Variants in OR51B5 observed in about 807,000 individuals in gnomAD.
The protein encoded by OR51B5 is olfactory receptor family 51 subfamily B member 5, also known as olfactory receptor 51B5.
For synonymous variants in OR51B5, 186 were observed against 144.8 expected (o/e 1.28, Z -2.04); for missense variants, 456 against 374.6 (o/e 1.22, Z -1.79).
At chr11:5,382,219 C>CTT (rs1311875198) in intron 1 of OR51B5, among the ~76,000 whole-genome samples, 1 of 152,178 alleles carries the variant, frequency 6.6e-6, no homozygotes, top group Admixed American at 6.5e-5. Flanking sequence ...ACCGGAAAAT[C>CTT]TTATAGTTCT....
chr11:5,342,145 T>C (rs1406496488), downstream of OR51B5, among the ~76,000 whole-genome samples: 11 of 152,218 alleles, frequency 7.2e-5, no homozygotes, highest in Admixed American at 1.3e-4. Context: ...ATTGTTTGTA[T>C]GGACACCTGC....
intron 1 of OR51B5, chr11:5,422,786 C>T: frequency 1.9e-6 from 3 of 1,614,144 alleles, no homozygotes; most frequent in Non-Finnish European, 2.5e-6. Context: ...TGACATCAGG[C>T]TCAACAGCTG....
intron 1 of OR51B5, among the ~76,000 whole-genome samples, chr11:5,384,808 C>G (rs1311230974): frequency 6.6e-6 from 1 of 152,200 alleles, no homozygotes; most frequent in Non-Finnish European, 1.5e-5. Flanking sequence ...CCCCAGTATC[C>G]AGGATATGGC....
Position 5,487,093 on chromosome 11 carries a change from C to T in OR51B5, n.84+18476G>A, listed in dbSNP as rs144912762. On this transcript the variant is annotated intron_variant and non_coding_transcript_variant, in intron 1 of 4. Transcript: ENST00000415970. ...AATGGACAGTAGGGTGAGGCAAAAACGCCAAACTCTGAATCAAGGGACATG... is the reference window on the plus strand; with the variant it reads ...AATGGACAGTAGGGTGAGGCAAAAATGCCAAACTCTGAATCAAGGGACATG... Among the ~76,000 whole-genome samples the T allele has an allele frequency of 3.4e-3, 519 of 152,204 alleles. 2 individuals are homozygous for T. Among genetic ancestry groups the T allele is most frequent in the African/African-American group, 7.6e-3 (314 of 41,526 alleles).
chr11:5,463,784 G>A (rs1851092979), intron 1 of OR51B5, among the ~76,000 whole-genome samples: 1 of 152,226 alleles, frequency 6.6e-6, no homozygotes, highest in South Asian at 2.1e-4. Flanking sequence ...TTTTATGGGA[G>A]AAACCTGTCT....
Position 5,422,611 on chromosome 11 carries a change from C to G in OR51B5, n.85-75701G>C, listed in dbSNP as rs148307597. On this transcript the variant is annotated intron_variant and non_coding_transcript_variant, in intron 1 of 4. Transcript: ENST00000415970. ...GCTGTCCCCTCCATTATGCCTCCAT[C>G]CTCACCAATGAAGTCATTGGTAGAA... The G allele has an allele frequency of 2.9e-4, 475 of 1,614,118 alleles. 1 individual carries two copies. The African/African-American group carries it at 5.9e-3, about 20-fold the overall frequency.
chr11:5,393,761 A>G (rs1381789337), intron 1 of OR51B5, among the ~76,000 whole-genome samples: 2 of 152,166 alleles, frequency 1.3e-5, no homozygotes, highest in African/African-American at 4.8e-5. Context: ...ATTATTTTCA[A>G]TGTTTTAAAA....
At chr11:5,475,661 T>A (rs1851294587) in intron 1 of OR51B5, among the ~76,000 whole-genome samples, 1 of 152,222 alleles carries the variant, frequency 6.6e-6, no homozygotes, top group Non-Finnish European at 1.5e-5. Flanking sequence ...AGTATGCATT[T>A]ATTGCCTTTC....
chr11:5,347,757 GGAAGGAAGGAGGTAGGGAGA>G (rs1291943896), upstream of OR51B5, among the ~76,000 whole-genome samples: 1 of 152,020 alleles, frequency 6.6e-6, no homozygotes, highest in African/African-American at 2.4e-5. Flanking sequence ...AGAAAAAGAT[GGAAGGAAGGAGGTAGGGAGA>G]GAGGGAAGAG....
chr11:5,453,413 C>T, intron 1 of OR51B5: 1 of 1,080,982 alleles, frequency 9.3e-7, no homozygotes, highest in Non-Finnish European at 1.3e-6. Flanking sequence ...ATTTCTTGTC[C>T]TCCAGCAAGT....
chr11:5,403,090 C>T lies in OR51B5; in HGVS notation n.85-56180G>A, dbSNP rs114153238. 2.1e-3 allele frequency: 974 copies of T among 471,600 alleles called. 8 individuals carry two copies. The highest frequency in any genetic ancestry group is 0.017 in the African/African-American group (876 of 50,216). The allele number at this position is 471,600 out of a possible 1,614,324, so 29.2% of individuals were successfully genotyped here. A position where few individuals can be genotyped will look rare whatever the true frequency, so the allele number is the denominator to read the frequency against. On this transcript the variant is annotated intron_variant and non_coding_transcript_variant, in intron 1 of 4. Coordinates refer to the OR51B5 transcript ENST00000415970. ...TATGCTCATGGCTCCGTTGCCCATT[C>T]TCTTATGGCGTCTGCCCTTCTGTGG...
intron 1 of OR51B5, among the ~76,000 whole-genome samples, chr11:5,493,284 T>G (rs774710884): frequency 6.6e-5 from 10 of 152,144 alleles, no homozygotes; most frequent in Non-Finnish European, 1.5e-4. Context: ...GAGAAATCGA[T>G]CTACCTGATT....
downstream of OR51B5, chr11:5,340,466 A>C (rs1848876939): frequency 1.3e-5 from 2 of 151,858 alleles, no homozygotes; most frequent in Admixed American, 1.3e-4. Context: ...CTACAACAAA[A>C]GCATTACTCT....
At chr11:5,454,947 A>C (rs1850928332) in intron 1 of OR51B5, 1 of 152,538 alleles carries the variant, frequency 6.6e-6, no homozygotes, top group Admixed American at 6.5e-5. Flanking sequence ...CTGACGGTCA[A>C]ATTGGCATCA....
intron 1 of OR51B5, among the ~76,000 whole-genome samples, chr11:5,404,199 C>A (rs1850022828): frequency 6.6e-6 from 1 of 151,482 alleles, no homozygotes; most frequent in Non-Finnish European, 1.5e-5. Flanking sequence ...ACTTGAAGAA[C>A]TTTTCTGTCT....
intron 1 of OR51B5, among the ~76,000 whole-genome samples, chr11:5,378,678 A>T (rs1849565174): frequency 6.6e-6 from 1 of 152,250 alleles, no homozygotes; most frequent in South Asian, 2.1e-4. Context: ...TCTCAAAAGA[A>T]AACATTTATG....
At chr11:5,453,907 T>A in intron 1 of OR51B5, 1 of 1,614,198 alleles carries the variant, frequency 6.2e-7, no homozygotes, top group Non-Finnish European at 8.5e-7. Context: ...ACCACTGAAG[T>A]CATTGCTGCA....
At chr11:5,502,593 A>G (rs1265366703) in intron 1 of OR51B5, among the ~76,000 whole-genome samples, 1 of 152,198 alleles carries the variant, frequency 6.6e-6, no homozygotes, top group African/African-American at 2.4e-5. Context: ...CATTTGTGTA[A>G]TAGAAGTGAG....
Position 5,387,470 on chromosome 11 carries a change from T to C in OR51B5, n.85-40560A>G, listed in dbSNP as rs115915903. On this transcript the variant is annotated intron_variant and non_coding_transcript_variant, in intron 1 of 4. Transcript: ENST00000415970. Reference sequence around the variant, plus strand: ...ATAAATGTGGACTATTTTTTACCCCTTGCCAAAGTGATGTAAGCCTTATAT... The same window carrying C: ...ATAAATGTGGACTATTTTTTACCCCCTGCCAAAGTGATGTAAGCCTTATAT... Among the ~76,000 whole-genome samples, 814 of 152,006 alleles carry C rather than the reference T, an allele frequency of 5.4e-3. 7 individuals are homozygous for C. Among genetic ancestry groups the C allele is most frequent in the African/African-American group, 0.019 (764 of 41,290 alleles).
Sources: allele counts gnomAD v4.1 joint callset (sites outside exome capture counted in the v4.1 genomes callset), GRCh38; gene constraint gnomAD v4.1.1; transcripts MANE v1.5; gene names NCBI Gene and HGNC (gene_info 2026-07-23, HGNC 2026-07-21).